The following TASP1 variants were observed in gnomAD, a reference collection of about 807,000 sequenced individuals.
TASP1 encodes the protein threonine aspartase 1.
TASP1 carries 16 observed loss-of-function variants against 56.6 expected under a neutral mutation model. The observed-to-expected ratio is 0.28, with a 90% CI of 0.19 to 0.43. The LOEUF (loss-of-function observed/expected upper bound fraction) is 0.43. Among genes scored for constraint, TASP1 ranks in the 20% least tolerant of loss-of-function variants. The pLI is 1.00. For missense variants in TASP1, 393 were observed against 511.6 expected, an observed-to-expected ratio of 0.77 and a Z score of 2.24; for synonymous variants, 179 against 184.2, an observed-to-expected ratio of 0.97 and a Z score of 0.23.
intron 13 of TASP1, among the ~76,000 whole-genome samples, chr20:13,408,449 A>G (rs2041996948): frequency 6.6e-6 from 1 of 152,134 alleles, no homozygotes; most frequent in African/African-American, 2.4e-5. Context: ...CATGACAGCT[A>G]TTGGTCTGTA....
the TASP1 span, among the ~76,000 whole-genome samples, chr20:13,118,448 G>GAAAAAAA: frequency 1.6e-3 from 174 of 108,692 alleles, 2 homozygotes; most frequent in Non-Finnish European, 2.4e-3. Context: ...AGAGGTTTGT[G>GAAAAAAA]GAAAAAAAAA....
chr20:13,398,054 T>C (rs1016002744), intron 13 of TASP1, among the ~76,000 whole-genome samples: 2 of 152,194 alleles, frequency 1.3e-5, no homozygotes, highest in African/African-American at 2.4e-5. Context: ...TGAATCTTAC[T>C]ATAGTTTGAA....
At chr20:13,627,953 T>C (rs1395666756) in intron 2 of TASP1, among the ~76,000 whole-genome samples, 1 of 152,150 alleles carries the variant, frequency 6.6e-6, no homozygotes, top group Non-Finnish European at 1.5e-5. Context: ...CTATAACCAA[T>C]CAAATTGCTG....
At chr20:13,591,687 T>C (rs930434212) in intron 4 of TASP1, among the ~76,000 whole-genome samples, 19 of 152,292 alleles carry the variant, frequency 1.2e-4, no homozygotes, top group African/African-American at 3.4e-4. Context: ...TATAAAGAAC[T>C]TTTATCTCAT....
At chr20:13,479,909 T>C (rs890011631) in intron 11 of TASP1, among the ~76,000 whole-genome samples, 2 of 152,158 alleles carry the variant, frequency 1.3e-5, no homozygotes, top group Non-Finnish European at 2.9e-5. Flanking sequence ...TCCTTTTACA[T>C]ATGAGGAAAT....
the TASP1 span, among the ~76,000 whole-genome samples, chr20:13,353,020 T>C: frequency 6.6e-6 from 1 of 152,124 alleles, no homozygotes; most frequent in Admixed American, 6.6e-5. Flanking sequence ...GAGGATTGCT[T>C]GAGACCAGGA....
At chr20:13,318,515 A>T in the TASP1 span, among the ~76,000 whole-genome samples, 68 of 152,340 alleles carry the variant, frequency 4.5e-4, no homozygotes, top group Admixed American at 2.9e-3. Context: ...TGTCCACACA[A>T]AAACAAAAAA....
intron 4 of TASP1, among the ~76,000 whole-genome samples, chr20:13,611,098 G>C (rs1034417221): frequency 6.6e-6 from 1 of 152,114 alleles, no homozygotes; most frequent in Non-Finnish European, 1.5e-5. Context: ...AACCTTTCTG[G>C]GCAATCATCA....
chr20:13,423,968 A>G (rs2042537424), intron 12 of TASP1, among the ~76,000 whole-genome samples: 1 of 152,196 alleles, frequency 6.6e-6, no homozygotes, highest in Non-Finnish European at 1.5e-5. Context: ...ATTATCTAAA[A>G]CATAAGCAAA....
intron 4 of TASP1, among the ~76,000 whole-genome samples, chr20:13,612,491 AACACACACACACACACACAC>A (rs34343791): frequency 1.4e-5 from 2 of 143,994 alleles, no homozygotes; most frequent in Non-Finnish European, 3.1e-5. Flanking sequence ...ATTTGTAGCA[AACACACACACACACACACAC>A]ACACACACAC....
the TASP1 span, among the ~76,000 whole-genome samples, chr20:13,118,449 GA>G: frequency 2.2e-4 from 28 of 128,164 alleles, no homozygotes; most frequent in Non-Finnish European, 3.3e-4. Flanking sequence ...GAGGTTTGTG[GA>G]AAAAAAAAAC....
chr20:13,470,382 T>C (rs1419084986), intron 11 of TASP1, among the ~76,000 whole-genome samples: 1 of 152,188 alleles, frequency 6.6e-6, no homozygotes, highest in African/African-American at 2.4e-5. Flanking sequence ...TGAAGGCTCT[T>C]ATAAAACCGC....
At chr20:13,594,544 G>A (rs992950254) in intron 4 of TASP1, among the ~76,000 whole-genome samples, 4 of 152,178 alleles carry the variant, frequency 2.6e-5, no homozygotes, top group Non-Finnish European at 5.9e-5. Context: ...ACCTGATGGA[G>A]CTGAAAACCA....
chr20:13,111,690 A>T, the TASP1 span, among the ~76,000 whole-genome samples: 178 of 152,286 alleles, frequency 1.2e-3, no homozygotes, highest in African/African-American at 4.0e-3. Flanking sequence ...CCTTATCTAA[A>T]CACCTGTCAT....
At chr20:13,428,316 C>T (rs1246875305) in intron 12 of TASP1, among the ~76,000 whole-genome samples, 1 of 152,098 alleles carries the variant, frequency 6.6e-6, no homozygotes, top group East Asian at 1.9e-4. Flanking sequence ...TGCATATATT[C>T]TAATTACCTG....
the TASP1 span, among the ~76,000 whole-genome samples, chr20:13,178,664 C>T: frequency 7.2e-4 from 108 of 149,898 alleles, no homozygotes; most frequent in African/African-American, 1.7e-3. Flanking sequence ...TTAAACACCA[C>T]GTGTTCTCAC....
At chr20:13,403,257 G>A (rs1393335024) in intron 13 of TASP1, among the ~76,000 whole-genome samples, 1 of 152,010 alleles carries the variant, frequency 6.6e-6, no homozygotes, top group African/African-American at 2.4e-5. Context: ...GTTGCATTTT[G>A]TCAAAATGTA....
chr20:13,612,664 A>G (rs977407033), intron 4 of TASP1, among the ~76,000 whole-genome samples: 2 of 152,172 alleles, frequency 1.3e-5, no homozygotes, highest in Non-Finnish European at 2.9e-5. Flanking sequence ...CAGCCCCCAC[A>G]TAGGGAAAAG....
chr20:13,566,272 A>T (rs547526369), intron 7 of TASP1, among the ~76,000 whole-genome samples: 1 of 152,332 alleles, frequency 6.6e-6, no homozygotes, highest in East Asian at 1.9e-4. Context: ...CAATAAGAAA[A>T]TATTTAAAGC....
Sources: gnomAD v4.1 joint callset for allele counts (sites outside exome capture counted in the v4.1 genomes callset) on GRCh38, gnomAD v4.1.1 for gene constraint, MANE v1.5 for transcripts, NCBI Gene and HGNC (gene_info 2026-07-23, HGNC 2026-07-21) for gene names.